CASQ2: variants seen among roughly 807,000 people sequenced by gnomAD.
CASQ2 encodes the protein calsequestrin 2, also known as calsequestrin-2.
CASQ2 carries 49 observed loss-of-function variants against 46.5 expected under a neutral mutation model. That is an observed-to-expected ratio of 1.05 (90% CI 0.84 to 1.34). The LOEUF is 1.34. Ranked by LOEUF, CASQ2 falls within the 40% of genes most tolerant of loss-of-function variation. The pLI, the probability that CASQ2 is intolerant of heterozygous loss-of-function variation, is 0.00. For synonymous variants in CASQ2, 174 were observed against 168.5 expected (o/e 1.03, Z -0.25); for missense variants, 486 against 481.3 (o/e 1.01, Z -0.09).
intron 9 of CASQ2, among the ~76,000 whole-genome samples, chr1:115,703,672 G>A (rs1208554376): frequency 6.6e-6 from 1 of 152,112 alleles, no homozygotes; most frequent in Non-Finnish European, 1.5e-5. Context: ...GCTCATGCTT[G>A]TAGTCCCAGC....
At chr1:115,761,523 G>T (rs1570860046) in intron 1 of CASQ2, among the ~76,000 whole-genome samples, 1 of 101,248 alleles carries the variant, frequency 9.9e-6, no homozygotes, top group Non-Finnish European at 2.2e-5. Context: ...AGAAGAAGAA[G>T]AAGAAGAGTT....
At chr1:115,722,874 C>A (rs935444449) in intron 7 of CASQ2, among the ~76,000 whole-genome samples, 2 of 151,912 alleles carry the variant, frequency 1.3e-5, no homozygotes, top group Non-Finnish European at 2.9e-5. Flanking sequence ...ATGGTGAAAC[C>A]CTGTCTCTAC....
intron 1 of CASQ2, among the ~76,000 whole-genome samples, chr1:115,767,169 C>A (rs1649164495): frequency 6.6e-6 from 1 of 152,124 alleles, no homozygotes; most frequent in South Asian, 2.1e-4. Flanking sequence ...CAGCTAAGTT[C>A]TATGTCTCGT....
At chr1:115,714,467 C>T (rs1654639022) in intron 8 of CASQ2, among the ~76,000 whole-genome samples, 1 of 152,154 alleles carries the variant, frequency 6.6e-6, no homozygotes. Context: ...AAGCTCCTAG[C>T]ACAGTTCCTC....
chr1:115,711,058 G>A (rs927541264), intron 8 of CASQ2, among the ~76,000 whole-genome samples: 3 of 152,190 alleles, frequency 2.0e-5, no homozygotes, highest in Non-Finnish European at 4.4e-5. Context: ...CAGTGGTCCA[G>A]GAGTGAACAG....
chr1:115,751,292 C>A (rs1282161655), intron 1 of CASQ2, among the ~76,000 whole-genome samples: 1 of 152,062 alleles, frequency 6.6e-6, no homozygotes, highest in African/African-American at 2.4e-5. Context: ...TAATTGAGAA[C>A]CTACTGTGTT....
chr1:115,702,398 T>C (rs560337193), intron 10 of CASQ2, among the ~76,000 whole-genome samples: 36 of 152,310 alleles, frequency 2.4e-4, no homozygotes, highest in African/African-American at 8.2e-4. Context: ...ATTCTGCCAG[T>C]GTACCTCACT....
chr1:115,768,556 G>T lies in CASQ2; in HGVS notation c.-15C>A. 2 of 1,550,934 alleles carry T rather than the reference G, an allele frequency of 1.3e-6. No homozygotes were observed. Among genetic ancestry groups the T allele is most frequent in the Non-Finnish European group, 1.8e-6 (2 of 1,123,148 alleles). On this transcript the variant is annotated 5_prime_UTR_variant, in exon 1 of 11. Coordinates refer to ENST00000261448, the MANE Select transcript of CASQ2 (RefSeq NM_001232.4). Reference sequence around the variant, plus strand: ...GTTCTCTTCATTTGGGAAAACTTTTGTTTCTCGTTCCCAAATATGCTGTGT... The same window carrying T: ...GTTCTCTTCATTTGGGAAAACTTTTTTTTCTCGTTCCCAAATATGCTGTGT...
chr1:115,742,192 GTA>G (rs1418438932), intron 2 of CASQ2, among the ~76,000 whole-genome samples: 42 of 151,334 alleles, frequency 2.8e-4, no homozygotes, highest in Admixed American at 2.7e-3. Flanking sequence ...TCATATATAA[GTA>G]TATATGAAAA....
intron 1 of CASQ2, among the ~76,000 whole-genome samples, chr1:115,756,194 TGG>T (rs1267351198): frequency 6.6e-6 from 1 of 152,112 alleles, no homozygotes; most frequent in Non-Finnish European, 1.5e-5. Flanking sequence ...GGGCAGCAGG[TGG>T]GAGCTCCTGG....
At chr1:115,726,342 G>A (rs1647590449) in intron 6 of CASQ2, among the ~76,000 whole-genome samples, 1 of 152,200 alleles carries the variant, frequency 6.6e-6, no homozygotes, top group South Asian at 2.1e-4. Flanking sequence ...AACTTTTACT[G>A]GTACACAGCC....
intron 1 of CASQ2, among the ~76,000 whole-genome samples, chr1:115,747,506 CA>C (rs775269772): frequency 6.3e-4 from 95 of 150,764 alleles, no homozygotes; most frequent in Admixed American, 4.7e-3. Flanking sequence ...TGTTTATACA[CA>C]AAAAAAAATA....
intron 1 of CASQ2, among the ~76,000 whole-genome samples, chr1:115,752,965 A>G (rs1475988522): frequency 6.6e-6 from 1 of 152,192 alleles, no homozygotes; most frequent in Non-Finnish European, 1.5e-5. Flanking sequence ...CAGACCTGGT[A>G]AGTCTTCCTT....
Position 115,705,233 on chromosome 1 carries a change from CG to C in CASQ2, c.897del (p.Asp300IlefsTer2). 1 of 1,614,040 alleles carries C rather than the reference CG, an allele frequency of 6.2e-7. No homozygotes were observed. The highest frequency in any genetic ancestry group is 8.5e-7 in the Non-Finnish European group (1 of 1,179,874). ...KQVARDNTDNPDLSILWIDPD... is the reference protein window; with the variant it reads ...KQVARDNTDNXDLSILWIDPD... Reference sequence around the variant, plus strand: ...GGGTCGATCCACAGGATGCTCAGATCGGGGTTGTCAGTATTGTCCCGGGCAA... The same window carrying C: ...GGGTCGATCCACAGGATGCTCAGATCGGGTTGTCAGTATTGTCCCGGGCAA... On this transcript the variant is annotated frameshift_variant, in exon 9 of 11. Coordinates refer to ENST00000261448, the MANE Select transcript of CASQ2 (RefSeq NM_001232.4). LOFTEE classifies it high-confidence loss of function.
rs774156364 is a variant in CASQ2, at chr1:115,740,802, T to C, written c.346A>G (p.Ile116Val). ...LGFDEEGSLYILKGDRTIEFD... is the reference protein window; with the variant it reads ...LGFDEEGSLYVLKGDRTIEFD... ...TCTATTGTGCGATCACCCTTAAGAATATACAGGCTTCCTTCTTCATCAAAA... is the reference window on the plus strand; with the variant it reads ...TCTATTGTGCGATCACCCTTAAGAACATACAGGCTTCCTTCTTCATCAAAA... The change falls in exon 3 of 11, where the codon ATT (isoleucine) becomes GTT (valine). Residue 116 changes from isoleucine (I) to valine (V), a missense_variant. Coordinates refer to ENST00000261448, the MANE Select transcript of CASQ2 (RefSeq NM_001232.4). 4.3e-6 allele frequency: 7 copies of C among 1,613,134 alleles called. No individual in the cohort carries two copies. The highest frequency in any genetic ancestry group is 5.9e-6 in the Non-Finnish European group (7 of 1,179,168).
chr1:115,702,670 C>T (rs1654243912), intron 10 of CASQ2, among the ~76,000 whole-genome samples: 1 of 152,138 alleles, frequency 6.6e-6, no homozygotes, highest in African/African-American at 2.4e-5. Context: ...AGGGAAAGTT[C>T]CAAATCAGTG....
intron 4 of CASQ2, among the ~76,000 whole-genome samples, chr1:115,737,279 G>A (rs1290607943): frequency 6.6e-6 from 1 of 152,216 alleles, no homozygotes; most frequent in Non-Finnish European, 1.5e-5. Context: ...AGAGGGTTAA[G>A]TTGGGGCATG....
chr1:115,702,214 G>A (rs1338880623), intron 10 of CASQ2, among the ~76,000 whole-genome samples: 3 of 151,534 alleles, frequency 2.0e-5, no homozygotes, highest in African/African-American at 4.8e-5. Context: ...GAGCCACCAC[G>A]CCTGGCTTGG....
intron 5 of CASQ2, among the ~76,000 whole-genome samples, chr1:115,730,401 T>G (rs989218207): frequency 6.6e-6 from 1 of 152,216 alleles, no homozygotes; most frequent in African/African-American, 2.4e-5. Context: ...ACAATAAACT[T>G]TAAATTCTAA....
Sources: gnomAD v4.1 joint callset for allele counts (sites outside exome capture counted in the v4.1 genomes callset) on GRCh38, gnomAD v4.1.1 for gene constraint, MANE v1.5 for transcripts, NCBI Gene and HGNC (gene_info 2026-07-23, HGNC 2026-07-21) for gene names.